Variants in EFNA5 observed in about 807,000 individuals in gnomAD.
The protein encoded by EFNA5 is ephrin A5.
EFNA5 carries 5 observed loss-of-function variants against 22.9 expected under a neutral mutation model. That is an observed-to-expected ratio of 0.22 (90% CI 0.11 to 0.46). The LOEUF (loss-of-function observed/expected upper bound fraction) is 0.46, where lower values mean the gene tolerates loss of function less well. Among genes scored for constraint, EFNA5 ranks in the 20% least tolerant of loss-of-function variants. The pLI is 0.99. For missense variants in EFNA5, 237 were observed against 293.3 expected (o/e 0.81, Z 1.40); for synonymous variants, 113 against 112.2 (o/e 1.01, Z -0.04).
chr5:107,386,977 G>C (rs1399920573), intron 4 of EFNA5, among the ~76,000 whole-genome samples: 1 of 152,144 alleles, frequency 6.6e-6, no homozygotes, highest in Non-Finnish European at 1.5e-5. Flanking sequence ...TTAGCATTCC[G>C]ATGGGGCTTC....
chr5:107,481,576 G>A (rs1400857245), intron 1 of EFNA5, among the ~76,000 whole-genome samples: 1 of 152,170 alleles, frequency 6.6e-6, no homozygotes, highest in African/African-American at 2.4e-5. Context: ...AGAATGCCAG[G>A]TATGGTGGCT....
chr5:107,383,916 T>C (rs1453398444), intron 4 of EFNA5, among the ~76,000 whole-genome samples: 1 of 152,238 alleles, frequency 6.6e-6, no homozygotes, highest in East Asian at 1.9e-4. Context: ...ATTAACCTTT[T>C]ATAAGCACCC....
chr5:107,436,718 C>T (rs1749119732), intron 1 of EFNA5, among the ~76,000 whole-genome samples: 1 of 152,076 alleles, frequency 6.6e-6, no homozygotes, highest in African/African-American at 2.4e-5. Flanking sequence ...ACACAGGCAA[C>T]CATCAGATAG....
chr5:107,653,258 A>G (rs1350943398), intron 1 of EFNA5, among the ~76,000 whole-genome samples: 1 of 151,820 alleles, frequency 6.6e-6, no homozygotes, highest in South Asian at 2.1e-4. Flanking sequence ...TGTGTACCTT[A>G]AACTTCACTA....
chr5:107,525,584 T>G (rs955896598), intron 1 of EFNA5, among the ~76,000 whole-genome samples: 12 of 152,202 alleles, frequency 7.9e-5, no homozygotes, highest in Non-Finnish European at 1.3e-4. Context: ...TATTCTTACA[T>G]GCTAGAGAAA....
chr5:107,639,161 G>C (rs1360028773), intron 1 of EFNA5, among the ~76,000 whole-genome samples: 1 of 152,124 alleles, frequency 6.6e-6, no homozygotes, highest in Non-Finnish European at 1.5e-5. Context: ...ACCACACACA[G>C]AATAACCTAC....
intron 1 of EFNA5, among the ~76,000 whole-genome samples, chr5:107,440,142 T>C (rs1443525130): frequency 2.6e-5 from 4 of 152,160 alleles, no homozygotes; most frequent in African/African-American, 9.7e-5. Context: ...CACAGAAAGA[T>C]ATATGCAAGA....
chr5:107,501,932 C>A (rs1300255180), intron 1 of EFNA5, among the ~76,000 whole-genome samples: 1 of 152,150 alleles, frequency 6.6e-6, no homozygotes, highest in Non-Finnish European at 1.5e-5. Context: ...CTGTTTCTTG[C>A]CTTAAAGAAA....
chr5:107,670,435 C>G, intron 1 of EFNA5, 54 bp downstream of exon 1: 12 of 1,511,644 alleles, frequency 7.9e-6, no homozygotes, highest in Non-Finnish European at 1.1e-5. Context: ...GCCGCTCCTT[C>G]CGCAGGGCCC....
intron 2 of EFNA5, among the ~76,000 whole-genome samples, chr5:107,418,668 T>G (rs548393122): frequency 1.9e-4 from 29 of 152,340 alleles, no homozygotes; most frequent in Non-Finnish European, 1.5e-4. Context: ...TCACAGCCTT[T>G]GAAAAATTCA....
chr5:107,571,659 A>G (rs990478242), intron 1 of EFNA5, among the ~76,000 whole-genome samples: 2 of 152,012 alleles, frequency 1.3e-5, no homozygotes, highest in Admixed American at 6.6e-5. Flanking sequence ...CTAAAGAATG[A>G]GCAATTGCCA....
intron 1 of EFNA5, among the ~76,000 whole-genome samples, chr5:107,439,273 GC>G (rs1282337508): frequency 6.6e-6 from 1 of 152,134 alleles, no homozygotes; most frequent in South Asian, 2.1e-4. Context: ...CCCCAAGAGA[GC>G]CCCCCACCGG....
intron 1 of EFNA5, among the ~76,000 whole-genome samples, chr5:107,539,334 C>T (rs1046011799): frequency 6.6e-6 from 1 of 152,146 alleles, no homozygotes; most frequent in Non-Finnish European, 1.5e-5. Flanking sequence ...AAAGAGAGAG[C>T]AATGGAAAAT....
intron 1 of EFNA5, among the ~76,000 whole-genome samples, chr5:107,440,124 G>A (rs1749217455): frequency 6.6e-6 from 1 of 152,112 alleles, no homozygotes; most frequent in Non-Finnish European, 1.5e-5. Context: ...TACTTTTATA[G>A]CCTGGACCAC....
chr5:107,487,367 C>T (rs570236536), intron 1 of EFNA5, among the ~76,000 whole-genome samples: 2 of 152,180 alleles, frequency 1.3e-5, no homozygotes, highest in Admixed American at 6.5e-5. Context: ...TTGTTTAATC[C>T]CCTTCCAATG....
intron 1 of EFNA5, among the ~76,000 whole-genome samples, chr5:107,618,213 C>T (rs1220331309): frequency 1.3e-5 from 2 of 152,040 alleles, no homozygotes; most frequent in Admixed American, 6.6e-5. Context: ...AAAAGTAAGG[C>T]CAAAGAAGAA....
intron 1 of EFNA5, among the ~76,000 whole-genome samples, chr5:107,648,396 CA>C (rs1750668194): frequency 6.6e-6 from 1 of 152,108 alleles, no homozygotes; most frequent in South Asian, 2.1e-4. Flanking sequence ...TACAAGTACC[CA>C]ATGTTTAAAA....
chr5:107,580,970 G>C (rs910878357), intron 1 of EFNA5, among the ~76,000 whole-genome samples: 1 of 152,174 alleles, frequency 6.6e-6, no homozygotes, highest in Non-Finnish European at 1.5e-5. Flanking sequence ...AGTACGTTGA[G>C]AATATGTTTT....
intron 1 of EFNA5, among the ~76,000 whole-genome samples, chr5:107,648,812 T>A (rs1750675833): frequency 6.6e-6 from 1 of 152,112 alleles, no homozygotes; most frequent in South Asian, 2.1e-4. Flanking sequence ...ATCCTTTTAA[T>A]AAAATCTTTA....
Sources: gnomAD v4.1 joint callset for allele counts (sites outside exome capture counted in the v4.1 genomes callset) on GRCh38, gnomAD v4.1.1 for gene constraint, MANE v1.5 for transcripts, NCBI Gene and HGNC (gene_info 2026-07-23, HGNC 2026-07-21) for gene names.